COL5A2: variants seen among roughly 807,000 people sequenced by gnomAD.
The protein encoded by COL5A2 is collagen alpha-2(V) chain.
COL5A2 carries 23 observed loss-of-function variants against 208.2 expected under a neutral mutation model. The ratio of observed to expected loss-of-function variants is 0.11; its 90% CI spans 0.08 to 0.16. The LOEUF is 0.16. Ranked by LOEUF, COL5A2 falls within the 10% of genes least tolerant of loss-of-function variation. The pLI is 1.00. For missense variants in COL5A2, 1,590 were observed against 1,956.4 expected (o/e 0.81, Z 3.53); for synonymous variants, 625 against 628.5 (o/e 0.99, Z 0.08).
At chr2:189,044,275 C>T (rs1366097670) in intron 47 of COL5A2, among the ~76,000 whole-genome samples, 2 of 151,986 alleles carry the variant, frequency 1.3e-5, no homozygotes, top group Non-Finnish European at 2.9e-5. Flanking sequence ...AGTATAGGAA[C>T]CCATTTATAA....
At chr2:189,252,233 A>G in the COL5A2 span, among the ~76,000 whole-genome samples, 2 of 152,120 alleles carry the variant, frequency 1.3e-5, no homozygotes, top group South Asian at 2.1e-4. Context: ...AACTAGAAAT[A>G]CCATTTGACC....
upstream of COL5A2, among the ~76,000 whole-genome samples, chr2:189,227,458 C>T (rs193117552): frequency 3.8e-4 from 57 of 151,942 alleles, 1 homozygote; most frequent in African/African-American, 1.2e-3. Context: ...AAAGAAGATC[C>T]GACTATGTGC....
rs115783518 is a variant in COL5A2 at position 189,199,222 on chromosome 2, T to C, written c.-42+25926A>G. On this transcript the variant is annotated intron_variant, in intron 1 of 10. Transcript: ENST00000649966. The stretch of plus-strand genomic sequence containing the variant: ...CAAAAAGCAACACTGGCCACTTTAT[T>C]AATTCTATTCATGTTTAGCAAAGAT... Among the ~76,000 whole-genome samples, 1,503 of 152,288 alleles carry C rather than the reference T, an allele frequency of 9.9e-3. 29 individuals carry two copies. Among genetic ancestry groups the C allele is most frequent in the African/African-American group, 0.034 (1,394 of 41,558 alleles).
At chr2:189,364,277 A>T in the COL5A2 span, among the ~76,000 whole-genome samples, 1 of 152,208 alleles carries the variant, frequency 6.6e-6, no homozygotes, top group African/African-American at 2.4e-5. Flanking sequence ...CTGCATTCCA[A>T]TTATCAGTAA....
intron 1 of COL5A2, among the ~76,000 whole-genome samples, chr2:189,218,953 T>A (rs1689312921): frequency 6.6e-6 from 1 of 152,186 alleles, no homozygotes; most frequent in South Asian, 2.1e-4. Flanking sequence ...GTTACTTCAG[T>A]GCGCAGAAAT....
At chr2:189,299,080 G>A in the COL5A2 span, among the ~76,000 whole-genome samples, 1 of 152,016 alleles carries the variant, frequency 6.6e-6, no homozygotes, top group African/African-American at 2.4e-5. Context: ...GTTGTATTTT[G>A]CTTTGTTTTT....
At chr2:189,099,905 G>A (rs1419895810) in intron 4 of COL5A2, among the ~76,000 whole-genome samples, 7 of 152,120 alleles carry the variant, frequency 4.6e-5, no homozygotes, top group Non-Finnish European at 1.0e-4. Context: ...TTAGTCATGG[G>A]ACTATAAAAG....
At chr2:189,275,736 C>A in the COL5A2 span, among the ~76,000 whole-genome samples, 3 of 152,216 alleles carry the variant, frequency 2.0e-5, no homozygotes, top group Admixed American at 2.0e-4. Context: ...CAGGCATGAG[C>A]CACTGCACCC....
At position 189,048,226 on chromosome 2, in the gene COL5A2, C is replaced by T; in HGVS notation, c.3184G>A (p.Gly1062Ser). The change falls in exon 45 of 54, where the codon GGT becomes AGT. Residue 1062 changes from glycine (G) to serine (S), a missense_variant. Physicochemically the swap from Gly to Ser is moderately conservative, Grantham distance 56 (BLOSUM62 0). Coordinates refer to ENST00000374866, the MANE Select transcript of COL5A2 (RefSeq NM_000393.5). Reference protein sequence around the residue: ...AGNDGTPGRDGAVGERGDRGD... With the variant: ...AGNDGTPGRDSAVGERGDRGD... ...GCTCTTACACGTTCTCCAACAGCAC[C>T]ATCCCGTCCTGGGGTACCATCATTG... 1 of 1,614,010 alleles carries T rather than the reference C, an allele frequency of 6.2e-7. No individual in the cohort carries two copies. Among genetic ancestry groups the T allele is most frequent in the South Asian group, 1.1e-5 (1 of 91,076 alleles).
At chr2:189,199,585 CA>C (rs945332964) in intron 1 of COL5A2, among the ~76,000 whole-genome samples, 1 of 152,080 alleles carries the variant, frequency 6.6e-6, no homozygotes, top group African/African-American at 2.4e-5. Context: ...GTATTCTCTT[CA>C]AAAGGTTTAT....
chr2:189,285,744 T>C, the COL5A2 span, among the ~76,000 whole-genome samples: 1 of 152,174 alleles, frequency 6.6e-6, no homozygotes, highest in African/African-American at 2.4e-5. Context: ...TTAAAGATAA[T>C]GTATCCCTGA....
At chr2:189,287,966 A>G in the COL5A2 span, among the ~76,000 whole-genome samples, 6 of 152,150 alleles carry the variant, frequency 3.9e-5, no homozygotes, top group African/African-American at 1.4e-4. Context: ...CAAACTATTC[A>G]AGGACTTCCA....
chr2:189,246,730 C>G, the COL5A2 span, among the ~76,000 whole-genome samples: 2 of 152,134 alleles, frequency 1.3e-5, no homozygotes, highest in African/African-American at 2.4e-5. Context: ...ATACAGAGAG[C>G]AGGGTTCCCT....
At chr2:189,277,938 A>G in the COL5A2 span, among the ~76,000 whole-genome samples, 1 of 152,230 alleles carries the variant, frequency 6.6e-6, no homozygotes, top group African/African-American at 2.4e-5. Context: ...AAGGAGGTCA[A>G]TAGTGCCCCC....
At chr2:189,285,061 G>A in the COL5A2 span, among the ~76,000 whole-genome samples, 1 of 94,434 alleles carries the variant, frequency 1.1e-5, no homozygotes. Flanking sequence ...TACTTTGTGA[G>A]CATGCACATG....
At chr2:189,226,394 T>C (rs1689419288), upstream of COL5A2, among the ~76,000 whole-genome samples, 1 of 152,074 alleles carries the variant, frequency 6.6e-6, no homozygotes, top group South Asian at 2.1e-4. Context: ...CCAAAACCAG[T>C]TAAGAGGCAC....
chr2:189,352,619 T>C, the COL5A2 span, among the ~76,000 whole-genome samples: 2,999 of 152,334 alleles, frequency 0.02, 100 homozygotes, highest in African/African-American at 0.069. Context: ...TCTGTTCATA[T>C]CCTTTGCCCA....
At chr2:189,373,594 C>T in the COL5A2 span, among the ~76,000 whole-genome samples, 1 of 152,060 alleles carries the variant, frequency 6.6e-6, no homozygotes. Context: ...CACTTTGTAC[C>T]TTTTTTGTAC....
upstream of COL5A2, among the ~76,000 whole-genome samples, chr2:189,180,152 T>A (rs191363633): frequency 6.6e-6 from 1 of 152,194 alleles, no homozygotes; most frequent in Admixed American, 6.5e-5. Context: ...TTTTTTTACA[T>A]TTAGATAATT....
Sources: gnomAD v4.1 joint callset for allele counts (sites outside exome capture counted in the v4.1 genomes callset) on GRCh38, gnomAD v4.1.1 for gene constraint, MANE v1.5 for transcripts, NCBI Gene and HGNC (gene_info 2026-07-23, HGNC 2026-07-21) for gene names.